Variants in CDH4 observed in about 807,000 individuals in gnomAD.
CDH4 encodes the protein cadherin-4.
In CDH4, 33 loss-of-function variants were observed where a neutral mutation model predicts 86.0. The ratio of observed to expected loss-of-function variants is 0.38; its 90% CI spans 0.29 to 0.51. The LOEUF (loss-of-function observed/expected upper bound fraction) is 0.51, where lower values mean the gene tolerates loss of function less well. Among genes scored for constraint, CDH4 ranks in the 20% least tolerant of loss-of-function variants. The pLI is 0.86. For missense variants in CDH4, 1,114 were observed against 1,307.4 expected (o/e 0.85, Z 2.28); for synonymous variants, 555 against 549.4 (o/e 1.01, Z -0.14).
At chr20:61,519,596 G>A (rs925957222) in intron 2 of CDH4, among the ~76,000 whole-genome samples, 11 of 152,364 alleles carry the variant, frequency 7.2e-5, no homozygotes, top group African/African-American at 1.9e-4. Flanking sequence ...CCCCGACCCC[G>A]AGGAGGGCTC....
intron 2 of CDH4, among the ~76,000 whole-genome samples, chr20:61,297,253 G>A (rs2084360309): frequency 6.6e-6 from 1 of 152,158 alleles, no homozygotes. Context: ...ACGCACGGTG[G>A]CATGTGCCTG....
rs13043083 is a variant in CDH4 at position 61,732,872 on chromosome 20, A to T, written c.170-10691A>T. Among the ~76,000 whole-genome samples, 202 of 151,878 alleles carry T rather than the reference A, an allele frequency of 1.3e-3. 4 individuals are homozygous for T. The highest frequency in any genetic ancestry group is 4.3e-3 in the African/African-American group (177 of 41,460). On this transcript the variant is annotated intron_variant, in intron 2 of 15. Transcript: ENST00000614565. ...TGCCCGAGGCTTTGATGTCTCAGGT[A>T]GTCTTGTTCCATTTCGGGCATCTCA... is the stretch of plus-strand genomic sequence containing the variant.
At position 61,826,193 on chromosome 20, in the gene CDH4, A is replaced by G. The variant is rs185904141; in HGVS notation, c.577-18475A>G. On this transcript the variant is annotated intron_variant, in intron 4 of 15. Transcript: ENST00000614565. ...CCCTTCTCGTGGGGGTGGAAGTCAG[A>G]GTCCCTGTGAGGTCTCCCTGGGCCT... 1.4e-3 allele frequency among the ~76,000 whole-genome samples: 208 copies of G among 152,296 alleles called. 6 individuals are homozygous for G. The highest frequency in any genetic ancestry group is 0.012 in the Admixed American group (186 of 15,302).
intron 2 of CDH4, among the ~76,000 whole-genome samples, chr20:61,608,263 C>T (rs530633748): frequency 2.6e-5 from 4 of 152,266 alleles, no homozygotes; most frequent in African/African-American, 7.2e-5. Flanking sequence ...TTCTAAGCCA[C>T]GCAGGTTGGC....
intron 2 of CDH4, among the ~76,000 whole-genome samples, chr20:61,485,069 C>A (rs2085588633): frequency 6.6e-6 from 1 of 152,164 alleles, no homozygotes; most frequent in Non-Finnish European, 1.5e-5. Flanking sequence ...ACGGCAGCTT[C>A]ATTTCGTGAA....
chr20:61,654,916 G>A (rs1396901640), intron 2 of CDH4, among the ~76,000 whole-genome samples: 2 of 62,298 alleles, frequency 3.2e-5, no homozygotes, highest in African/African-American at 8.1e-5. Context: ...CAGGGACACG[G>A]GGGCCTGAGC....
At chr20:61,887,320 C>G (rs986831151) in intron 7 of CDH4, among the ~76,000 whole-genome samples, 3 of 152,186 alleles carry the variant, frequency 2.0e-5, no homozygotes, top group Non-Finnish European at 4.4e-5. Context: ...TGCCCCTACC[C>G]AGCCAGGAGA....
At chr20:61,352,563 G>A (rs897583326) in intron 2 of CDH4, among the ~76,000 whole-genome samples, 1 of 152,214 alleles carries the variant, frequency 6.6e-6, no homozygotes, top group Non-Finnish European at 1.5e-5. Context: ...AGCCCTTTTC[G>A]TTTCTGACCT....
chr20:61,310,524 G>T (rs147876030), intron 2 of CDH4, among the ~76,000 whole-genome samples: 2 of 152,308 alleles, frequency 1.3e-5, no homozygotes, highest in Non-Finnish European at 1.5e-5. Flanking sequence ...ACTCCTGTGA[G>T]GATCTAATGC....
chr20:61,448,321 T>C (rs1484902797), intron 2 of CDH4, among the ~76,000 whole-genome samples: 1 of 152,236 alleles, frequency 6.6e-6, no homozygotes, highest in African/African-American at 2.4e-5. Flanking sequence ...ACCTGCACTC[T>C]TCCAGACCGG....
intron 2 of CDH4, among the ~76,000 whole-genome samples, chr20:61,413,565 AC>A (rs1445092334): frequency 2.0e-5 from 3 of 151,220 alleles, no homozygotes; most frequent in Non-Finnish European, 4.4e-5. Context: ...TGCCTAACAC[AC>A]CCCCGCACAA....
intron 6 of CDH4, among the ~76,000 whole-genome samples, chr20:61,872,947 C>T (rs992394845): frequency 1.3e-5 from 2 of 152,092 alleles, no homozygotes; most frequent in African/African-American, 2.4e-5. Flanking sequence ...CAGGGTGGGG[C>T]GTGCTGATGC....
intron 2 of CDH4, among the ~76,000 whole-genome samples, chr20:61,408,861 C>T (rs542414137): frequency 6.6e-6 from 1 of 152,198 alleles, no homozygotes; most frequent in Non-Finnish European, 1.5e-5. Context: ...CCCAGGCCCT[C>T]AGTGGTCTCC....
At chr20:61,812,152 G>A (rs1326330708) in intron 4 of CDH4, among the ~76,000 whole-genome samples, 1 of 151,996 alleles carries the variant, frequency 6.6e-6, no homozygotes, top group Non-Finnish European at 1.5e-5. Flanking sequence ...TTTTCTAGAA[G>A]CAGAGCTGAG....
chr20:61,296,273 G>GCA (rs370427522), intron 2 of CDH4, among the ~76,000 whole-genome samples: 26 of 6,042 alleles, frequency 4.3e-3, no homozygotes, highest in Middle Eastern at 0.1. Flanking sequence ...GTGTGTGTGT[G>GCA]TGCGTGGGTG....
At chr20:61,291,696 C>G (rs201779238) in intron 2 of CDH4, among the ~76,000 whole-genome samples, 1 of 80,456 alleles carries the variant, frequency 1.2e-5, no homozygotes, top group African/African-American at 4.1e-5. Flanking sequence ...CCAGTCTGAC[C>G]CTATCCCAGT....
At chr20:61,286,903 T>C (rs1221567896) in intron 2 of CDH4, among the ~76,000 whole-genome samples, 1 of 152,206 alleles carries the variant, frequency 6.6e-6, no homozygotes, top group African/African-American at 2.4e-5. Context: ...GATGGAAGAA[T>C]GGGCAAGTTA....
chr20:61,568,289 C>T (rs963129803), intron 2 of CDH4, among the ~76,000 whole-genome samples: 5 of 152,172 alleles, frequency 3.3e-5, no homozygotes, highest in Admixed American at 1.3e-4. Flanking sequence ...GTGATTTCCC[C>T]ATGCTCTTCT....
intron 4 of CDH4, among the ~76,000 whole-genome samples, chr20:61,801,765 C>T (rs1568823868): frequency 6.6e-6 from 1 of 152,234 alleles, no homozygotes; most frequent in Non-Finnish European, 1.5e-5. Context: ...TCTCTGCTTT[C>T]TTTCCACATC....
Sources: allele counts gnomAD v4.1 joint callset (sites outside exome capture counted in the v4.1 genomes callset), GRCh38; gene constraint gnomAD v4.1.1; transcripts MANE v1.5; gene names NCBI Gene and HGNC (gene_info 2026-07-23, HGNC 2026-07-21).